The following GON4L variants were observed in gnomAD, a reference collection of about 807,000 sequenced individuals.
GON4L encodes the protein GON-4-like protein.
Under a neutral mutation model 211.8 loss-of-function variants are expected in GON4L, and 87 were observed. The observed-to-expected ratio is 0.41, with a 90% confidence interval of 0.35 to 0.49. GON4L has a LOEUF of 0.49. Among genes scored for constraint, GON4L ranks in the 20% least tolerant of loss-of-function variants. The pLI is 0.15. For synonymous variants in GON4L, 875 were observed against 962.6 expected (o/e 0.91, Z 1.68); for missense variants, 2,155 against 2,659.5 (o/e 0.81, Z 4.17).
intron 11 of GON4L, among the ~76,000 whole-genome samples, chr1:155,795,489 C>G (rs1233934329): frequency 6.6e-6 from 1 of 152,172 alleles, no homozygotes; most frequent in Non-Finnish European, 1.5e-5. Flanking sequence ...AAATTCCCAA[C>G]AATTAGAGAA....
chr1:155,842,843 A>T (rs1670903053), intron 2 of GON4L, among the ~76,000 whole-genome samples: 1 of 152,136 alleles, frequency 6.6e-6, no homozygotes, highest in African/African-American at 2.4e-5. Flanking sequence ...TCTCAAAAAA[A>T]AAAAACTTGG....
At chr1:155,824,035 AAAG>A (rs1302994725) in intron 3 of GON4L, among the ~76,000 whole-genome samples, 3 of 152,166 alleles carry the variant, frequency 2.0e-5, no homozygotes, top group African/African-American at 4.8e-5. Flanking sequence ...ACCCAACGAA[AAAG>A]AAGTACACAT....
chr1:155,811,208 C>T (rs912855685), intron 10 of GON4L, among the ~76,000 whole-genome samples: 21 of 151,276 alleles, frequency 1.4e-4, no homozygotes, highest in African/African-American at 5.1e-4. Flanking sequence ...CTGGCTAACA[C>T]GGTGAAACCC....
At chr1:155,850,307 T>G (rs1671658742) in intron 2 of GON4L, among the ~76,000 whole-genome samples, 1 of 152,184 alleles carries the variant, frequency 6.6e-6, no homozygotes, top group Non-Finnish European at 1.5e-5. Context: ...TGTAGAAGAT[T>G]AGCAGTGAAA....
chr1:155,856,668 T>C (rs1201613532), intron 1 of GON4L, among the ~76,000 whole-genome samples: 1 of 147,886 alleles, frequency 6.8e-6, no homozygotes, highest in Non-Finnish European at 1.5e-5. Context: ...TTGATTCCTG[T>C]GAGAGATGGT....
intron 2 of GON4L, among the ~76,000 whole-genome samples, chr1:155,841,373 AAGGACAGGCACACAGAT>A (rs1317372651): frequency 2.6e-5 from 4 of 152,328 alleles, no homozygotes. Context: ...CTTCCAAATC[AAGGACAGGCACACAGAT>A]ACCTAAATAG....
rs147321619 is a variant in GON4L, at chr1:155,793,097, G to A, written c.1747+1953C>T. ...AAAAGACTCTTCCTTTGGTTTCTAC[G>A]ACACTAGATTTTCTAGGTTTTTCTT... is the stretch of plus-strand genomic sequence containing the variant. On this transcript the variant is annotated intron_variant, in intron 12 of 31. Coordinates refer to ENST00000368331, the MANE Select transcript of GON4L (RefSeq NM_001282860.2). Among the ~76,000 whole-genome samples, 457 of 151,984 alleles carry A rather than the reference G, an allele frequency of 3.0e-3. 1 individual carries two copies. Among genetic ancestry groups the A allele is most frequent in the African/African-American group, 6.0e-3 (248 of 41,464 alleles).
intron 19 of GON4L, among the ~76,000 whole-genome samples, chr1:155,768,610 C>T (rs1231211510): frequency 1.7e-5 from 2 of 116,624 alleles, no homozygotes. Flanking sequence ...GACTCCATCT[C>T]AAAAAAAAAA....
At chr1:155,764,966 C>T (rs760099698) in intron 21 of GON4L, 34 bp downstream of exon 21, 1 of 1,613,994 alleles carries the variant, frequency 6.2e-7, no homozygotes, top group Non-Finnish European at 8.5e-7. Context: ...TTACTGAGTC[C>T]ACGAAATACT....
intron 2 of GON4L, among the ~76,000 whole-genome samples, chr1:155,832,307 G>GA (rs1189484587): frequency 1.4e-4 from 18 of 132,786 alleles, no homozygotes; most frequent in Admixed American, 7.6e-4. Context: ...AAAAAAGAAA[G>GA]AAAAAAAAAG....
At chr1:155,779,632 G>A (rs1047429395) in intron 14 of GON4L, among the ~76,000 whole-genome samples, 2 of 152,104 alleles carry the variant, frequency 1.3e-5, no homozygotes, top group African/African-American at 4.8e-5. Flanking sequence ...TACCCTGACT[G>A]CATAGGGTAT....
Position 155,751,672 on chromosome 1 carries a change from A to G in GON4L, c.6576+95T>C. ...CAAACCTTTACAAAAACCACTTATT[A>G]TCTTGGATATCAAAACTCCTTCTTT... On this transcript the variant is annotated intron_variant, in intron 31 of 31. Transcript: ENST00000368331. 4.9e-6 allele frequency: 4 copies of G among 817,978 alleles called. No individual in the cohort carries two copies. In the South Asian group the frequency reaches 6.0e-5, roughly 12 times the overall value. The allele number at this position is 817,978 out of a possible 1,614,324, so 50.7% of individuals were successfully genotyped here.
downstream of GON4L, chr1:155,745,691 A>C: frequency 1.3e-6 from 1 of 753,290 alleles, no homozygotes; most frequent in Non-Finnish European, 2.1e-6. Context: ...TCGGCGCATC[A>C]TTTCTCCAAT....
chr1:155,755,507 G>A (rs1280610239), intron 27 of GON4L, among the ~76,000 whole-genome samples: 1 of 151,914 alleles, frequency 6.6e-6, no homozygotes, highest in Admixed American at 6.6e-5. Context: ...CACCACGCCC[G>A]GACCCCATCC....
At chr1:155,838,495 C>T (rs1389888207) in intron 2 of GON4L, among the ~76,000 whole-genome samples, 2 of 152,080 alleles carry the variant, frequency 1.3e-5, no homozygotes, top group Non-Finnish European at 2.9e-5. Context: ...ATAGTTCCAG[C>T]TAGGCACAGG....
intron 23 of GON4L, among the ~76,000 whole-genome samples, chr1:155,761,024 A>G (rs1661728232): frequency 1.3e-5 from 2 of 152,196 alleles, no homozygotes; most frequent in South Asian, 4.1e-4. Context: ...TACATAAGTT[A>G]GGAATGTCAG....
chr1:155,787,454 G>C (rs915030482), intron 12 of GON4L, among the ~76,000 whole-genome samples: 9 of 152,028 alleles, frequency 5.9e-5, no homozygotes, highest in Non-Finnish European at 1.0e-4. Context: ...TTCTATAAAG[G>C]CCCTTCTTAA....
In GON4L at chr1:155,780,083, G is replaced by A. The variant is rs547511169; in HGVS notation, c.1893-2263C>T. 2.0e-5 allele frequency among the ~76,000 whole-genome samples: 3 copies of A among 152,136 alleles called. No individual in the cohort carries two copies. The South Asian group carries it at 6.2e-4, about 31-fold the overall frequency. ...CAAATTGCTGGGATTACAGGCGTGA[G>A]CCACTGCACCCAGCCAGGAAGAGGA... On this transcript the variant is annotated intron_variant, in intron 14 of 31. Transcript: ENST00000368331.
At chr1:155,840,199 C>T (rs1670652569) in intron 2 of GON4L, among the ~76,000 whole-genome samples, 1 of 152,176 alleles carries the variant, frequency 6.6e-6, no homozygotes, top group Admixed American at 6.5e-5. Flanking sequence ...TGTTCACCTG[C>T]TATATTCAAA....
Sources: gnomAD v4.1 joint callset for allele counts (sites outside exome capture counted in the v4.1 genomes callset) on GRCh38, gnomAD v4.1.1 for gene constraint, MANE v1.5 for transcripts, NCBI Gene and HGNC (gene_info 2026-07-23, HGNC 2026-07-21) for gene names.